The following CARMIL1 variants were observed in gnomAD, a reference collection of about 807,000 sequenced individuals.
The protein encoded by CARMIL1 is F-actin-uncapping protein LRRC16A.
A neutral mutation model predicts 177.1 loss-of-function variants in CARMIL1; 90 were observed. The ratio of observed to expected loss-of-function variants is 0.51; its 90% confidence interval spans 0.43 to 0.61. The LOEUF is 0.61. Ranked by LOEUF, CARMIL1 falls within the 20% of genes least tolerant of loss-of-function variation. CARMIL1 has a pLI of 0.00. For synonymous variants in CARMIL1, 577 were observed against 606.2 expected (o/e 0.95, Z 0.71); for missense variants, 1,380 against 1,667.0 (o/e 0.83, Z 3.00).
chr6:25,289,926 C>A lies in CARMIL1; in HGVS notation c.138+5017C>A, dbSNP rs1781808881. Among the ~76,000 whole-genome samples the A allele has an allele frequency of 3.3e-5, 5 of 152,284 alleles. No homozygotes were observed. In the South Asian group the frequency reaches 1.0e-3, roughly 32 times the overall value. ...TTGAGTGAACATACTTTTCCTTGCT[C>A]TGTGATAAATGCCAAGGAGTGCAAT... is the stretch of plus-strand genomic sequence containing the variant. On this transcript the variant is annotated intron_variant, in intron 2 of 36. Coordinates refer to ENST00000329474, the MANE Select transcript of CARMIL1 (RefSeq NM_017640.6).
intron 2 of CARMIL1, among the ~76,000 whole-genome samples, chr6:25,381,072 C>T (rs186207): frequency 0.42 from 63,857 of 151,958 alleles, 13,735 homozygotes; most frequent in Non-Finnish European, 0.47. Context: ...TGCCAAAATT[C>T]CTAGTCTTGA....
intron 16 of CARMIL1, 105 bp downstream of exon 16, chr6:25,495,320 C>T: frequency 1.4e-6 from 1 of 692,490 alleles, no homozygotes. Context: ...ACAAAAACCA[C>T]AGATGAGAAT....
intron 36 of CARMIL1, among the ~76,000 whole-genome samples, chr6:25,614,304 T>C (rs1168671075): frequency 3.3e-5 from 5 of 152,186 alleles, no homozygotes; most frequent in Non-Finnish European, 7.4e-5. Flanking sequence ...ACAGGACAAG[T>C]AAGGTTAAAA....
chr6:25,304,044 A>G (rs1783072650), intron 2 of CARMIL1, among the ~76,000 whole-genome samples: 1 of 152,248 alleles, frequency 6.6e-6, no homozygotes, highest in Non-Finnish European at 1.5e-5. Context: ...GTTTCCTTAA[A>G]TCATTTACAC....
intron 8 of CARMIL1, among the ~76,000 whole-genome samples, chr6:25,460,698 G>C (rs1356500426): frequency 2.0e-5 from 3 of 152,126 alleles, no homozygotes; most frequent in Non-Finnish European, 2.9e-5. Context: ...ATTAACTTCT[G>C]TTTCTATTTC....
chr6:25,455,013 T>G (rs1799359710), intron 8 of CARMIL1, among the ~76,000 whole-genome samples: 1 of 152,210 alleles, frequency 6.6e-6, no homozygotes, highest in Admixed American at 6.5e-5. Context: ...AGCTGGAGTT[T>G]GTTAGCAAAT....
In CARMIL1 at chr6:25,528,905, A is replaced by C. The variant is rs1392105910; in HGVS notation, c.2067+12A>C. ...GCACCACCCAGCAGGTAAGCGAGCC[A>C]GTGCCTGTGACTTCTCCTTCTATTC... is the stretch of plus-strand genomic sequence containing the variant. On this transcript the variant is annotated intron_variant, in intron 24 of 36. Coordinates refer to ENST00000329474, the MANE Select transcript of CARMIL1 (RefSeq NM_017640.6). 6.3e-7 allele frequency: 1 copy of C among 1,594,304 alleles called. No homozygotes were observed. The highest frequency in any genetic ancestry group is 8.6e-7 in the Non-Finnish European group (1 of 1,168,090).
At chr6:25,530,903 C>T (rs993002934) in intron 24 of CARMIL1, among the ~76,000 whole-genome samples, 3 of 152,062 alleles carry the variant, frequency 2.0e-5, no homozygotes, top group Non-Finnish European at 2.9e-5. Flanking sequence ...TTTATAGCTA[C>T]ATTTTAGAGG....
At chr6:25,297,717 A>G (rs1782529621) in intron 2 of CARMIL1, among the ~76,000 whole-genome samples, 2 of 152,236 alleles carry the variant, frequency 1.3e-5, no homozygotes, top group Admixed American at 6.5e-5. Context: ...TACACCTGAC[A>G]TATGCAGGTT....
At chr6:25,529,383 T>C (rs1018760415) in intron 24 of CARMIL1, among the ~76,000 whole-genome samples, 5 of 152,204 alleles carry the variant, frequency 3.3e-5, no homozygotes, top group African/African-American at 1.2e-4. Context: ...GTTTTTCTCT[T>C]ATACTGCATT....
intron 12 of CARMIL1, among the ~76,000 whole-genome samples, chr6:25,483,105 A>G (rs1202604512): frequency 6.6e-6 from 1 of 152,208 alleles, no homozygotes; most frequent in Non-Finnish European, 1.5e-5. Flanking sequence ...TCAAGATCAC[A>G]TATGTAACAT....
At chr6:25,552,240 A>AT (rs1245121978) in intron 27 of CARMIL1, among the ~76,000 whole-genome samples, 3 of 152,060 alleles carry the variant, frequency 2.0e-5, no homozygotes, top group Admixed American at 6.6e-5. Flanking sequence ...TGGTTTGAGA[A>AT]TTTTTTTGTT....
Position 25,594,515 on chromosome 6 carries a change from A to T in CARMIL1, c.3107A>T (p.Lys1036Ile), listed in dbSNP as rs778648796. The change falls in exon 32 of 37, where the codon AAA becomes ATA. Residue 1036 changes from lysine (K) to isoleucine (I), a missense_variant. Physicochemically the swap from Lys to Ile is moderately radical, Grantham distance 102. Transcript: ENST00000329474. ...VDEFFTKKVT[K>I]MDSKKWSTRG... ...GAATTTTTTACCAAGAAGGTGACCA[A>T]AATGGATTCCAAGTGAGTTCAGAGT... 1 of 1,598,962 alleles carries T rather than the reference A, an allele frequency of 6.3e-7. No individual in the cohort carries two copies. The highest frequency in any genetic ancestry group is 1.7e-5 in the Admixed American group (1 of 59,884).
intron 8 of CARMIL1, among the ~76,000 whole-genome samples, chr6:25,453,866 C>T (rs527905164): frequency 6.6e-6 from 1 of 152,104 alleles, no homozygotes; most frequent in Admixed American, 6.5e-5. Context: ...CAGCTTGAGG[C>T]GTTTTTTTTG....
At chr6:25,467,122 A>G (rs1432407026) in intron 9 of CARMIL1, among the ~76,000 whole-genome samples, 1 of 152,076 alleles carries the variant, frequency 6.6e-6, no homozygotes, top group East Asian at 1.9e-4. Context: ...ATGAACAAAT[A>G]TGAGAGTATG....
intron 5 of CARMIL1, among the ~76,000 whole-genome samples, chr6:25,444,060 T>G (rs1009843426): frequency 3.3e-5 from 5 of 152,072 alleles, no homozygotes; most frequent in African/African-American, 1.2e-4. Flanking sequence ...GCCTCAGCCT[T>G]CCAAAGTGCT....
At chr6:25,329,507 A>T (rs1288951000) in intron 2 of CARMIL1, among the ~76,000 whole-genome samples, 3 of 152,232 alleles carry the variant, frequency 2.0e-5, no homozygotes, top group African/African-American at 7.2e-5. Flanking sequence ...TCCTTAGCCT[A>T]AATGATCAGG....
chr6:25,291,245 T>C (rs1256832987), intron 2 of CARMIL1, among the ~76,000 whole-genome samples: 1 of 152,158 alleles, frequency 6.6e-6, no homozygotes, highest in Non-Finnish European at 1.5e-5. Flanking sequence ...TTATTTTGGG[T>C]AACGTATCCC....
chr6:25,317,562 CTT>C (rs33992407), intron 2 of CARMIL1, among the ~76,000 whole-genome samples: 4 of 107,154 alleles, frequency 3.7e-5, no homozygotes, highest in Non-Finnish European at 5.2e-5. Flanking sequence ...TTACTTAGGA[CTT>C]TTTTTTTTTT....
Sources: gnomAD v4.1 joint callset for allele counts (sites outside exome capture counted in the v4.1 genomes callset) on GRCh38, gnomAD v4.1.1 for gene constraint, MANE v1.5 for transcripts, NCBI Gene and HGNC (gene_info 2026-07-23, HGNC 2026-07-21) for gene names.